ATRNL1: variants seen among roughly 807,000 people sequenced by gnomAD.
ATRNL1 encodes attractin like 1, also known as attractin-like protein 1.
In ATRNL1, 95 loss-of-function variants were observed where a neutral mutation model predicts 182.7. That is an observed-to-expected ratio of 0.52 (90% confidence interval 0.44 to 0.62). ATRNL1 has a LOEUF of 0.62. ATRNL1 is among the 20% of genes least tolerant of loss of function. The probability of loss-of-function intolerance (pLI) is 0.00; values close to 1 mark genes in which losing one functional copy is unlikely to be tolerated. For synonymous variants in ATRNL1, 576 were observed against 568.3 expected (o/e 1.01, Z -0.19); for missense variants, 1,471 against 1,679.5 (o/e 0.88, Z 2.17).
rs545822897 is a variant in ATRNL1, at chr10:115,438,298, AT to A, written c.3322+12004del. ...GATATTTCCAGTATACACCTTGATGATTTTTTTTATCACTGGTTACTATCTT... is the reference window on the plus strand; with the variant it reads ...GATATTTCCAGTATACACCTTGATGATTTTTTTATCACTGGTTACTATCTT... On this transcript the variant is annotated intron_variant, in intron 21 of 28. Coordinates refer to ENST00000355044, the MANE Select transcript of ATRNL1 (RefSeq NM_207303.4). 9.2e-5 allele frequency among the ~76,000 whole-genome samples: 14 copies of A among 151,816 alleles called. No individual in the cohort carries two copies. In the East Asian group the frequency reaches 2.5e-3, roughly 27 times the overall value.
chr10:115,776,681 A>G (rs542322677), intron 27 of ATRNL1, among the ~76,000 whole-genome samples: 133 of 152,182 alleles, frequency 8.7e-4, no homozygotes, highest in African/African-American at 3.2e-3. Context: ...GTCCCTGCTG[A>G]CAGCCCTTGA....
chr10:115,278,387 G>A (rs782162247), intron 13 of ATRNL1, among the ~76,000 whole-genome samples: 1 of 152,234 alleles, frequency 6.6e-6, no homozygotes, highest in Non-Finnish European at 1.5e-5. Context: ...GCAGCATTCT[G>A]AACCAAGAGC....
intron 25 of ATRNL1, among the ~76,000 whole-genome samples, chr10:115,541,668 A>G (rs1852366768): frequency 6.6e-6 from 1 of 152,202 alleles, no homozygotes; most frequent in Non-Finnish European, 1.5e-5. Context: ...TGGGAAAATA[A>G]AACGATTGCC....
At chr10:115,686,058 A>G (rs1425875212) in intron 26 of ATRNL1, among the ~76,000 whole-genome samples, 4 of 151,620 alleles carry the variant, frequency 2.6e-5, no homozygotes, top group Admixed American at 1.3e-4. Flanking sequence ...GAAAATTAGA[A>G]CAATGTTTAT....
intron 25 of ATRNL1, among the ~76,000 whole-genome samples, chr10:115,539,300 A>G (rs113837271): frequency 0.019 from 2,969 of 152,276 alleles, 65 homozygotes; most frequent in East Asian, 0.12. Context: ...TGCTTTTGCA[A>G]CTTTGTCAAA....
At chr10:115,437,051 G>A (rs1554964923) in intron 21 of ATRNL1, among the ~76,000 whole-genome samples, 2 of 152,018 alleles carry the variant, frequency 1.3e-5, no homozygotes, top group East Asian at 3.9e-4. Context: ...TGAGGTAAGG[G>A]AATGATTGAG....
At chr10:115,714,071 G>A (rs1565311331) in intron 26 of ATRNL1, among the ~76,000 whole-genome samples, 1 of 151,720 alleles carries the variant, frequency 6.6e-6, no homozygotes, top group Non-Finnish European at 1.5e-5. Flanking sequence ...GGCATATTAA[G>A]GCCTTGGCCC....
chr10:115,837,614 A>C (rs2134328312), intron 27 of ATRNL1, among the ~76,000 whole-genome samples: 1 of 152,248 alleles, frequency 6.6e-6, no homozygotes, highest in South Asian at 2.1e-4. Flanking sequence ...TTTGCATAGA[A>C]TATGTCCTTT....
At chr10:115,738,320 A>G (rs2134090392) in intron 27 of ATRNL1, among the ~76,000 whole-genome samples, 1 of 151,300 alleles carries the variant, frequency 6.6e-6, no homozygotes, top group East Asian at 2.0e-4. Flanking sequence ...TTATATGTTT[A>G]GTAGAGACAG....
At chr10:115,110,731 T>G (rs185400288) in intron 1 of ATRNL1, among the ~76,000 whole-genome samples, 50 of 152,360 alleles carry the variant, frequency 3.3e-4, no homozygotes, top group Non-Finnish European at 6.9e-4. Context: ...TGGCTGAATT[T>G]CAATGATACT....
At chr10:115,120,317 A>G in intron 2 of ATRNL1, 49 bp downstream of exon 2, 1 of 972,342 alleles carries the variant, frequency 1.0e-6, no homozygotes, top group Non-Finnish European at 1.6e-6. Context: ...CTTAAATGAT[A>G]AAGGTGATCA....
rs1021658859 is a variant in ATRNL1 at position 115,945,411 on chromosome 10, G to T, written c.*632G>T. 1 of 152,062 alleles carries T rather than the reference G, an allele frequency of 6.6e-6. No individual in the cohort carries two copies. Among genetic ancestry groups the T allele is most frequent in the Admixed American group, 6.6e-5 (1 of 15,266 alleles). The allele number at this position is 152,062 out of a possible 1,614,324, so 9.4% of individuals were successfully genotyped here. ...ACTCATTCTGTGCAACTTCACAGGGGGTTTATTAGAATGCTCAGTGTAGAG... is the reference window on the plus strand; with the variant it reads ...ACTCATTCTGTGCAACTTCACAGGGTGTTTATTAGAATGCTCAGTGTAGAG... On this transcript the variant is annotated 3_prime_UTR_variant, in exon 29 of 29. Coordinates refer to ENST00000355044, the MANE Select transcript of ATRNL1 (RefSeq NM_207303.4).
At chr10:115,729,183 C>A (rs1217761707) in intron 27 of ATRNL1, among the ~76,000 whole-genome samples, 1 of 152,034 alleles carries the variant, frequency 6.6e-6, no homozygotes, top group Non-Finnish European at 1.5e-5. Context: ...TTGTTAGGTA[C>A]CCATGTGTTC....
rs141386856 is a variant in ATRNL1, at chr10:115,908,960, C to G, written c.4019-35698C>G. ...GTGGGCAGAGCAGTGTATGTAGGCA[C>G]ATGTGCACGTCATGCCTGCACACCC... On this transcript the variant is annotated intron_variant, in intron 28 of 28. Transcript: ENST00000355044. Among the ~76,000 whole-genome samples the G allele has an allele frequency of 3.5e-3, 531 of 152,278 alleles. 1 individual carries two copies. The highest frequency in any genetic ancestry group is 0.012 in the African/African-American group (507 of 41,550).
At chr10:115,237,405 C>T (rs1850233098) in intron 9 of ATRNL1, among the ~76,000 whole-genome samples, 1 of 152,186 alleles carries the variant, frequency 6.6e-6, no homozygotes, top group African/African-American at 2.4e-5. Context: ...CTTTTGTCAG[C>T]ATTTTAGATT....
At chr10:115,515,816 A>G (rs897545012) in intron 24 of ATRNL1, among the ~76,000 whole-genome samples, 3 of 151,940 alleles carry the variant, frequency 2.0e-5, no homozygotes, top group Non-Finnish European at 4.4e-5. Context: ...TGTCAAATCC[A>G]GTAGCCATAT....
intron 10 of ATRNL1, among the ~76,000 whole-genome samples, chr10:115,262,254 T>A: frequency 6.7e-6 from 1 of 150,038 alleles, no homozygotes; most frequent in Non-Finnish European, 1.5e-5. Flanking sequence ...AATGATAAAA[T>A]AAAAGCAAAG....
chr10:115,497,930 A>G (rs1554978867), intron 24 of ATRNL1, among the ~76,000 whole-genome samples: 1 of 152,152 alleles, frequency 6.6e-6, no homozygotes, highest in African/African-American at 2.4e-5. Flanking sequence ...TGCTGAGATT[A>G]CAGGCGTGAG....
intron 8 of ATRNL1, among the ~76,000 whole-genome samples, chr10:115,211,646 T>G (rs1554895017): frequency 6.6e-6 from 1 of 151,944 alleles, no homozygotes; most frequent in African/African-American, 2.4e-5. Context: ...AATTTTAGAG[T>G]ACATGTGCAC....
Sources: allele counts gnomAD v4.1 joint callset (sites outside exome capture counted in the v4.1 genomes callset), GRCh38; gene constraint gnomAD v4.1.1; transcripts MANE v1.5; gene names NCBI Gene and HGNC (gene_info 2026-07-23, HGNC 2026-07-21).